The following PCDHB2 variants were observed in gnomAD, a reference collection of about 807,000 sequenced individuals.
PCDHB2 encodes the protein protocadherin beta 2.
For missense variants in PCDHB2, 914 were observed against 1,023.1 expected, an observed-to-expected ratio of 0.89 and a Z score of 1.45; for synonymous variants, 395 against 464.9, an observed-to-expected ratio of 0.85 and a Z score of 1.93.
In PCDHB2 at chr5:141,096,232, A is replaced by G; in HGVS notation, c.1442A>G (p.Asp481Gly). 6.2e-7 allele frequency: 1 copy of G among 1,612,984 alleles called. No homozygotes were observed. Among genetic ancestry groups the G allele is most frequent in the Non-Finnish European group, 8.5e-7 (1 of 1,180,012 alleles). ...GGCAGCGTCAGCGCCACAGACAGAG[A>G]CTCGGGCACCAACGCCCAGGTCACC... The part of the protein sequence containing the change: ...HIGSVSATDR[D>G]SGTNAQVTYS... The change falls in exon 1 of 1, where the codon GAC becomes GGC. Residue 481 changes from aspartate (D) to glycine (G), a missense_variant. Asp to Gly is a moderately conservative substitution (Grantham distance 94). Coordinates refer to ENST00000194155, the MANE Select transcript of PCDHB2 (RefSeq NM_018936.4).
rs782217826 is a variant in PCDHB2 at position 141,096,042 on chromosome 5, G to A, written c.1252G>A (p.Glu418Lys). The A allele has an allele frequency of 2.5e-6, 4 of 1,613,064 alleles. No homozygotes were observed. Among genetic ancestry groups the A allele is most frequent in the Non-Finnish European group, 3.4e-6 (4 of 1,179,092 alleles). The change falls in exon 1 of 1, where the codon GAA (glutamate) becomes AAA (lysine). Residue 418 changes from glutamate (E) to lysine (K), a missense_variant. Glu to Lys is a moderately conservative substitution (Grantham distance 56). Coordinates refer to ENST00000194155, the MANE Select transcript of PCDHB2 (RefSeq NM_018936.4). ...GGCCCTGGACCGGGAGACCAGATCC[G>A]AATACAACATCACCATCACCGTCAC... Reference protein sequence around the residue: ...STALDRETRSEYNITITVTDF... With the variant: ...STALDRETRSKYNITITVTDF...
Position 141,096,003 on chromosome 5 carries a change from C to G in PCDHB2, c.1213C>G (p.Leu405Val). 1.2e-6 allele frequency: 2 copies of G among 1,614,202 alleles called. No homozygotes were observed. The highest frequency in any genetic ancestry group is 1.7e-6 in the Non-Finnish European group (2 of 1,180,048). ...LKPSVENFYT[L>V]VISTALDRET... Reference sequence around the variant, plus strand: ...ACCTTCTGTTGAGAACTTTTACACTCTGGTGATAAGCACGGCCCTGGACCG... The same window carrying G: ...ACCTTCTGTTGAGAACTTTTACACTGTGGTGATAAGCACGGCCCTGGACCG... The change falls in exon 1 of 1, where the codon CTG (leucine) becomes GTG (valine). Residue 405 changes from leucine to valine, a missense_variant. Physicochemically the swap from Leu to Val is conservative, Grantham distance 32 (BLOSUM62 1). Coordinates refer to ENST00000194155, the MANE Select transcript of PCDHB2 (RefSeq NM_018936.4).
At position 141,095,482 on chromosome 5, in the gene PCDHB2, G is replaced by A. The variant is rs1554271259; in HGVS notation, c.692G>A (p.Arg231Gln). 6.2e-7 allele frequency: 1 copy of A among 1,614,098 alleles called. No individual in the cohort carries two copies. Among genetic ancestry groups the A allele is most frequent in the Admixed American group, 1.7e-5 (1 of 60,022 alleles). The change falls in exon 1 of 1, where the codon CGG (arginine) becomes CAG (glutamine). Residue 231 changes from arginine to glutamine, a missense_variant. Arg to Gln is a conservative substitution (Grantham distance 43, BLOSUM62 1). Coordinates refer to ENST00000194155, the MANE Select transcript of PCDHB2 (RefSeq NM_018936.4). ...CCCAGGTCCGGCACGGCCCTGGTACGGATTGAAGTTGTGGACATCAATGAC... is the reference window on the plus strand; with the variant it reads ...CCCAGGTCCGGCACGGCCCTGGTACAGATTGAAGTTGTGGACATCAATGAC... ...SPPRSGTALV[R>Q]IEVVDINDNV...
chr5:141,094,617 A>C lies in PCDHB2; in HGVS notation c.-174A>C. 2.0e-6 allele frequency: 1 copy of C among 506,072 alleles called. No homozygotes were observed. The highest frequency in any genetic ancestry group is 4.3e-5 in the South Asian group (1 of 23,370). 31.3% of individuals were successfully genotyped at this position (506,072 alleles called of 1,614,324 possible). ...ACCCAGCCGACGCTCCCTTACCCAG[A>C]TACTCAGCTAAAGAAGCAGCAAGCA... On this transcript the variant is annotated 5_prime_UTR_variant, in exon 1 of 1. Transcript: ENST00000194155.
In PCDHB2 at chr5:141,095,775, C is replaced by G; in HGVS notation, c.985C>G (p.Leu329Val). ...VNIQATDGGG[L>V]SGTCVVFVQV... ...TATTCAGGCGACAGATGGTGGGGGC[C>G]TATCTGGAACTTGTGTGGTATTTGT... is the stretch of plus-strand genomic sequence containing the variant. The change falls in exon 1 of 1, where the codon CTA becomes GTA. Residue 329 changes from leucine (L) to valine (V), a missense_variant. Leu to Val is a conservative substitution (Grantham distance 32). Coordinates refer to ENST00000194155, the MANE Select transcript of PCDHB2 (RefSeq NM_018936.4). 6.2e-7 allele frequency: 1 copy of G among 1,614,182 alleles called. No homozygotes were observed. Among genetic ancestry groups the G allele is most frequent in the East Asian group, 2.2e-5 (1 of 44,872 alleles).
rs3836746 is a variant in PCDHB2 at position 141,097,456 on chromosome 5, GT to G, written c.*271del. On this transcript the variant is annotated 3_prime_UTR_variant, in exon 1 of 1. Transcript: ENST00000194155. ...ATTTTGTATTTTCAGAAATCTTTAAGTTAGAGCATCTTTTCCAGACCTCACA... is the reference window on the plus strand; with the variant it reads ...ATTTTGTATTTTCAGAAATCTTTAAGTAGAGCATCTTTTCCAGACCTCACA... 23,500 of 347,802 alleles carry G rather than the reference GT, an allele frequency of 0.068. 979 individuals are homozygous for G. Among genetic ancestry groups the G allele is most frequent in the South Asian group, 0.1 (1,578 of 15,052 alleles). 21.5% of individuals were successfully genotyped at this position (347,802 alleles called of 1,614,324 possible).
At position 141,096,283 on chromosome 5, in the gene PCDHB2, C is replaced by G; in HGVS notation, c.1493C>G (p.Pro498Arg). ...VTYSLLPPQD[P>R]HLPLASLVSI... ...TACTCGCTGCTGCCGCCCCAGGACC[C>G]GCACCTGCCCCTCGCCTCCCTGGTC... The change falls in exon 1 of 1, where the codon CCG becomes CGG. Residue 498 changes from proline (P) to arginine (R), a missense_variant. Pro to Arg is a moderately radical substitution (Grantham distance 103, BLOSUM62 -2). Transcript: ENST00000194155. 6.2e-7 allele frequency: 1 copy of G among 1,613,318 alleles called. No individual in the cohort carries two copies. The highest frequency in any genetic ancestry group is 8.5e-7 in the Non-Finnish European group (1 of 1,180,034).
rs1751809004 is a variant in PCDHB2 at position 141,096,062 on chromosome 5, C to T, written c.1272C>T (p.Thr424=). The T allele has an allele frequency of 6.2e-7, 1 of 1,614,170 alleles. No homozygotes were observed. The highest frequency in any genetic ancestry group is 8.5e-7 in the Non-Finnish European group (1 of 1,180,032). Residue 424 remains threonine (T), a synonymous_variant, in exon 1 of 1, where the codon ACC becomes ACT. Transcript: ENST00000194155. The part of the protein sequence containing the change: ...ETRSEYNITI[T]VTDFGTPRLK... ...GATCCGAATACAACATCACCATCAC[C>T]GTCACCGACTTCGGGACACCCAGGC...
rs782401686 is a variant in PCDHB2 at position 141,096,644 on chromosome 5, C to T, written c.1854C>T (p.Gly618=). Residue 618 remains glycine (G), a synonymous_variant, in exon 1 of 1, where the codon GGC becomes GGT. Transcript: ENST00000194155. The part of the protein sequence containing the change: ...LLKATEPGLF[G]VWAHNGEVRT... ...AGGCCACGGAGCCCGGGCTGTTCGG[C>T]GTGTGGGCGCACAATGGCGAGGTGC... 46 of 1,608,028 alleles carry T rather than the reference C, an allele frequency of 2.9e-5. No homozygotes were observed. The East Asian group carries it at 5.6e-4, about 19-fold the overall frequency.
Position 141,095,455 on chromosome 5 carries a change from C to G in PCDHB2, c.665C>G (p.Pro222Arg), listed in dbSNP as rs782307125. The G allele has an allele frequency of 6.2e-7, 1 of 1,614,006 alleles. No homozygotes were observed. The highest frequency in any genetic ancestry group is 2.2e-5 in the East Asian group (1 of 44,874). Residue 222 changes from proline (P) to arginine (R), a missense_variant, in exon 1 of 1, where the codon CCA becomes CGA. Physicochemically the swap from Pro to Arg is moderately radical, Grantham distance 103. Transcript: ENST00000194155. ...LTLTALDGGS[P>R]PRSGTALVRI... ...CTCACAGCGCTAGATGGCGGGAGTCCACCCAGGTCCGGCACGGCCCTGGTA... is the reference window on the plus strand; with the variant it reads ...CTCACAGCGCTAGATGGCGGGAGTCGACCCAGGTCCGGCACGGCCCTGGTA...
At position 141,094,758 on chromosome 5, in the gene PCDHB2, G is replaced by A; in HGVS notation, c.-33G>A. 1 of 1,489,540 alleles carries A rather than the reference G, an allele frequency of 6.7e-7. No homozygotes were observed. The highest frequency in any genetic ancestry group is 1.4e-5 in the African/African-American group (1 of 71,382). 92.3% of individuals were successfully genotyped at this position (1,489,540 alleles called of 1,614,324 possible). A position where few individuals can be genotyped will look rare whatever the true frequency, so the allele number is the denominator to read the frequency against. On this transcript the variant is annotated 5_prime_UTR_variant, in exon 1 of 1. Transcript: ENST00000194155. ...AGAGTTAGCGACAACGTGAGCCAGA[G>A]CTGGAGCACGTTTGGTGAGAGACCA...
chr5:141,094,669 GCTC>G lies in PCDHB2; in HGVS notation c.-120_-118del, dbSNP rs1385805457. The G allele has an allele frequency of 1.4e-6, 1 of 740,500 alleles. No homozygotes were observed. Among genetic ancestry groups the G allele is most frequent in the Non-Finnish European group, 2.1e-6 (1 of 472,564 alleles). 45.9% of individuals were successfully genotyped at this position (740,500 alleles called of 1,614,324 possible). ...GAAGAGGAGGCTTTCTAAGGCGGTC[GCTC>G]CGGGAAATCCGGGCCCTAGGATTGT... is the stretch of plus-strand genomic sequence containing the variant. On this transcript the variant is annotated 5_prime_UTR_variant, in exon 1 of 1. Coordinates refer to ENST00000194155, the MANE Select transcript of PCDHB2 (RefSeq NM_018936.4).
rs781832715 is a variant in PCDHB2 at position 141,094,808 on chromosome 5, G to A, written c.18G>A (p.Gly6=). ...AGAAAGCAATGGAGGCCGGAGAGGG[G>A]AAGGAGCGCGTTCCGAAACAAAGGC... MEAGE[G]KERVPKQRQV... The change falls in exon 1 of 1, where the codon GGG becomes GGA. Residue 6 remains glycine (G), a synonymous_variant. Transcript: ENST00000194155. The A allele has an allele frequency of 6.8e-5, 106 of 1,567,814 alleles. No individual in the cohort carries two copies. The highest frequency in any genetic ancestry group is 8.9e-5 in the Non-Finnish European group (103 of 1,158,358).
Position 141,096,810 on chromosome 5 carries a change from CTG to C in PCDHB2, c.2021_2022del (p.Leu674ProfsTer91). 6.2e-7 allele frequency: 1 copy of C among 1,610,378 alleles called. No individual in the cohort carries two copies. The highest frequency in any genetic ancestry group is 8.5e-7 in the Non-Finnish European group (1 of 1,179,710). On this transcript the variant is annotated frameshift_variant, in exon 1 of 1. Transcript: ENST00000194155. LOFTEE classifies it low-confidence loss of function (END_TRUNC). ...GGACGGCTTCTCCCAGCCCTACCTG[CTG>C]CTCCCGGAGGCGGCACCGGCCCAGG... ...LVDGFSQPYL[L>X]LPEAAPAQAQ... is the part of the protein sequence containing the mutation.
Position 141,097,696 on chromosome 5 carries a change from ATTTT to A in PCDHB2, c.*521_*524del, listed in dbSNP as rs144560907. ...GTCCTTACGTTTTTCAATATATGTAATTTTTTTTTTTTTTTGAGATGGAGTTTTG... is the reference window on the plus strand; with the variant it reads ...GTCCTTACGTTTTTCAATATATGTAATTTTTTTTTTTGAGATGGAGTTTTG... On this transcript the variant is annotated 3_prime_UTR_variant, in exon 1 of 1. Transcript: ENST00000194155. The A allele has an allele frequency of 6.9e-6, 1 of 144,184 alleles. No individual in the cohort carries two copies. Among genetic ancestry groups the A allele is most frequent in the Non-Finnish European group, 1.5e-5 (1 of 65,624 alleles). 8.9% of individuals were successfully genotyped at this position (144,184 alleles called of 1,614,324 possible).
rs1751845796 is a variant in PCDHB2 at position 141,096,935 on chromosome 5, G to A, written c.2145G>A (p.Leu715=). ...TGCTCCTGTTCGTGGCGGTGCGGCT[G>A]TGCAGGAGGAGCAGGGCGGCCTCGG... ...FSVLLFVAVR[L]CRRSRAASVG... The change falls in exon 1 of 1, where the codon CTG becomes CTA. Residue 715 remains leucine, a synonymous_variant. Transcript: ENST00000194155. 1 of 1,612,326 alleles carries A rather than the reference G, an allele frequency of 6.2e-7. No individual in the cohort carries two copies. Among genetic ancestry groups the A allele is most frequent in the African/African-American group, 1.3e-5 (1 of 74,898 alleles).
chr5:141,098,047 T>C lies in PCDHB2; in HGVS notation c.*860T>C, dbSNP rs1406848323. On this transcript the variant is annotated 3_prime_UTR_variant, in exon 1 of 1. Coordinates refer to ENST00000194155, the MANE Select transcript of PCDHB2 (RefSeq NM_018936.4). Reference sequence around the variant, plus strand: ...TGTTGACATATGAAAAGTATTAGTCTTTAGAGATTGTAAGAATTTTAACTG... The same window carrying C: ...TGTTGACATATGAAAAGTATTAGTCCTTAGAGATTGTAAGAATTTTAACTG... 1.3e-5 allele frequency: 2 copies of C among 152,232 alleles called. No individual in the cohort carries two copies. Among genetic ancestry groups the C allele is most frequent in the Admixed American group, 6.5e-5 (1 of 15,280 alleles). 9.4% of individuals were successfully genotyped at this position (152,232 alleles called of 1,614,324 possible). A position where few individuals can be genotyped will look rare whatever the true frequency, so the allele number is the denominator to read the frequency against.
rs1413491153 is a variant in PCDHB2, at chr5:141,096,663, G to A, written c.1873G>A (p.Glu625Lys). Residue 625 changes from glutamate to lysine, a missense_variant, in exon 1 of 1, where the codon GAG becomes AAG. Physicochemically the swap from Glu to Lys is moderately conservative, Grantham distance 56. Transcript: ENST00000194155. ...GLFGVWAHNG[E>K]VRTARLLRER... ...GTTCGGCGTGTGGGCGCACAATGGC[G>A]AGGTGCGCACCGCCAGGCTGCTGAG... The A allele has an allele frequency of 1.9e-6, 3 of 1,609,804 alleles. No homozygotes were observed. Among genetic ancestry groups the A allele is most frequent in the Non-Finnish European group, 2.5e-6 (3 of 1,179,614 alleles).
In PCDHB2 at chr5:141,095,134, C is replaced by T. The variant is rs1197204165; in HGVS notation, c.344C>T (p.Pro115Leu). ...VLPFQVLLENPLQFFQAELRI... is the reference protein window; with the variant it reads ...VLPFQVLLENLLQFFQAELRI... The stretch of plus-strand genomic sequence containing the variant: ...CCTTTCCAGGTGTTACTAGAAAATC[C>T]CTTGCAGTTTTTTCAGGCGGAGCTA... The change falls in exon 1 of 1, where the codon CCC becomes CTC. Residue 115 changes from proline to leucine, a missense_variant. Physicochemically the swap from Pro to Leu is moderately conservative, Grantham distance 98. Transcript: ENST00000194155. 1 of 1,613,564 alleles carries T rather than the reference C, an allele frequency of 6.2e-7. No homozygotes were observed. The highest frequency in any genetic ancestry group is 8.5e-7 in the Non-Finnish European group (1 of 1,179,804).
Sources: gnomAD v4.1 joint callset for allele counts on GRCh38, gnomAD v4.1.1 for gene constraint, MANE v1.5 for transcripts, NCBI Gene and HGNC (gene_info 2026-07-23, HGNC 2026-07-21) for gene names.